The following WDFY4 variants were observed in gnomAD, a reference collection of about 807,000 sequenced individuals.
WDFY4 encodes the protein WDFY family member 4, also known as WD repeat- and FYVE domain-containing protein 4.
A neutral mutation model predicts 351.9 loss-of-function variants in WDFY4; 169 were observed. That is an observed-to-expected ratio of 0.48 (90% CI 0.42 to 0.55). The LOEUF (loss-of-function observed/expected upper bound fraction) is 0.55, where lower values mean the gene tolerates loss of function less well. WDFY4 is among the 20% of genes least tolerant of loss of function. The pLI, the probability that WDFY4 is intolerant of heterozygous loss-of-function variation, is 0.00. For missense variants in WDFY4, 3,803 were observed against 3,935.6 expected, an observed-to-expected ratio of 0.97 and a Z score of 0.90; for synonymous variants, 1,622 against 1,574.6, an observed-to-expected ratio of 1.03 and a Z score of -0.71.
chr10:48,889,961 A>G (rs2070624959), intron 43 of WDFY4, among the ~76,000 whole-genome samples: 1 of 152,240 alleles, frequency 6.6e-6, no homozygotes, highest in African/African-American at 2.4e-5. Context: ...ACCTTGGACC[A>G]GGGGCTGTAT....
chr10:48,863,193 T>A (rs2069405945), intron 39 of WDFY4, among the ~76,000 whole-genome samples: 1 of 152,252 alleles, frequency 6.6e-6, no homozygotes. Context: ...ACACAATTTT[T>A]ATCTTGGGTG....
chr10:48,735,476 A>G (rs1430279881), intron 10 of WDFY4, among the ~76,000 whole-genome samples: 1 of 152,100 alleles, frequency 6.6e-6, no homozygotes, highest in Non-Finnish European at 1.5e-5. Flanking sequence ...TAAAGCTTTT[A>G]TTACTTAGGT....
At chr10:48,872,682 G>C (rs1231220921) in intron 40 of WDFY4, among the ~76,000 whole-genome samples, 1 of 152,204 alleles carries the variant, frequency 6.6e-6, no homozygotes, top group African/African-American at 2.4e-5. Flanking sequence ...GGTGATGCAT[G>C]TAACTTTAAT....
At chr10:48,898,859 C>T (rs559826438) in intron 45 of WDFY4, among the ~76,000 whole-genome samples, 11 of 152,180 alleles carry the variant, frequency 7.2e-5, no homozygotes, top group Non-Finnish European at 1.3e-4. Context: ...CTGGGCCAAT[C>T]TCCACCTCAG....
chr10:48,795,491 G>GTATATA lies in WDFY4; in HGVS notation c.4258-780_4258-775dup, dbSNP rs60705301. On this transcript the variant is annotated intron_variant, in intron 23 of 61. Coordinates refer to ENST00000325239, the MANE Select transcript of WDFY4 (RefSeq NM_001394531.1). ...TGGGATTTCATATATGTGTGTGTCT[G>GTATATA]TATATATATATATATATATATATAT... 4.7e-3 allele frequency among the ~76,000 whole-genome samples: 476 copies of GTATATA among 101,132 alleles called. 6 individuals carry two copies. The highest frequency in any genetic ancestry group is 6.2e-3 in the African/African-American group (136 of 21,996). The allele number at this position is 101,132 out of a possible 152,430, so 66.3% of individuals were successfully genotyped here. A position where few individuals can be genotyped will look rare whatever the true frequency, so the allele number is the denominator to read the frequency against.
At chr10:48,858,424 G>T (rs1484534823) in intron 39 of WDFY4, among the ~76,000 whole-genome samples, 1 of 152,048 alleles carries the variant, frequency 6.6e-6, no homozygotes, top group Admixed American at 6.5e-5. Flanking sequence ...CATTTTTTGG[G>T]CAATGGACAT....
chr10:48,909,236 A>G (rs1052583878), intron 47 of WDFY4, among the ~76,000 whole-genome samples: 3 of 152,196 alleles, frequency 2.0e-5, no homozygotes, highest in Non-Finnish European at 4.4e-5. Context: ...TACATTTATT[A>G]CAATTATCAA....
chr10:48,842,559 G>A (rs1446582940), intron 39 of WDFY4, among the ~76,000 whole-genome samples: 1 of 152,218 alleles, frequency 6.6e-6, no homozygotes, highest in Non-Finnish European at 1.5e-5. Flanking sequence ...CAATGGCTGG[G>A]CTAGCAGAGA....
chr10:48,710,877 G>T (rs1024109442), intron 2 of WDFY4, among the ~76,000 whole-genome samples: 2 of 152,198 alleles, frequency 1.3e-5, no homozygotes, highest in African/African-American at 4.8e-5. Flanking sequence ...TTGTTATCTG[G>T]GAGCAATACT....
intron 39 of WDFY4, among the ~76,000 whole-genome samples, chr10:48,860,160 G>C (rs945740731): frequency 6.6e-6 from 1 of 152,004 alleles, no homozygotes; most frequent in Non-Finnish European, 1.5e-5. Flanking sequence ...TCATTTTTCT[G>C]CTTTTCTGTT....
At chr10:48,928,101 T>G (rs1839727707) in intron 47 of WDFY4, among the ~76,000 whole-genome samples, 1 of 152,174 alleles carries the variant, frequency 6.6e-6, no homozygotes, top group Non-Finnish European at 1.5e-5. Flanking sequence ...TGTTATTTTG[T>G]CTTCTCCTCA....
chr10:48,828,970 T>C, intron 37 of WDFY4, 74 bp downstream of exon 37: 1 of 736,396 alleles, frequency 1.4e-6, no homozygotes, highest in South Asian at 1.9e-5. Flanking sequence ...TAGTGGTACC[T>C]GCTAGGGTTG....
intron 13 of WDFY4, among the ~76,000 whole-genome samples, chr10:48,769,355 T>C (rs574288415): frequency 6.6e-6 from 1 of 152,310 alleles, no homozygotes; most frequent in African/African-American, 2.4e-5. Flanking sequence ...TAATTCTAAG[T>C]AGGCAGTGGT....
chr10:48,815,530 C>T (rs2067590170), intron 31 of WDFY4, among the ~76,000 whole-genome samples: 1 of 152,032 alleles, frequency 6.6e-6, no homozygotes, highest in African/African-American at 2.4e-5. Context: ...GTGATTTCAG[C>T]TCACTCTAGC....
chr10:48,950,715 T>C (rs553166554), intron 51 of WDFY4, among the ~76,000 whole-genome samples: 29 of 152,316 alleles, frequency 1.9e-4, no homozygotes, highest in South Asian at 2.1e-4. Context: ...ACATGTGCCA[T>C]TTTCAAGGCC....
At chr10:48,864,318 C>A (rs367920733) in intron 39 of WDFY4, among the ~76,000 whole-genome samples, 1 of 152,126 alleles carries the variant, frequency 6.6e-6, no homozygotes, top group African/African-American at 2.4e-5. Context: ...AGTTTTCCAT[C>A]GCCATTTGTT....
chr10:48,720,620 A>T (rs1013386649), intron 3 of WDFY4, among the ~76,000 whole-genome samples: 1 of 152,036 alleles, frequency 6.6e-6, no homozygotes, highest in African/African-American at 2.4e-5. Context: ...AGATATACAC[A>T]TAGGCACACA....
chr10:48,823,916 A>G lies in WDFY4; in HGVS notation c.5982+1379A>G, dbSNP rs942409116. 3 of 985,582 alleles carry G rather than the reference A, an allele frequency of 3.0e-6. No homozygotes were observed. The African/African-American group carries it at 5.2e-5, about 17-fold the overall frequency. 61.1% of individuals were successfully genotyped at this position (985,582 alleles called of 1,614,324 possible). ...ATGAATCCCAAACCCCAACAGGTTT[A>G]AACAGACCTTCACTTCATGAGTAGA... On this transcript the variant is annotated intron_variant, in intron 35 of 61. Coordinates refer to ENST00000325239, the MANE Select transcript of WDFY4 (RefSeq NM_001394531.1).
chr10:48,795,683 G>A (rs1308804875), intron 23 of WDFY4, among the ~76,000 whole-genome samples: 1 of 151,908 alleles, frequency 6.6e-6, no homozygotes, highest in Non-Finnish European at 1.5e-5. Context: ...AGCCATGGAT[G>A]GAAGGAGCTG....
Sources: gnomAD v4.1 joint callset for allele counts (sites outside exome capture counted in the v4.1 genomes callset) on GRCh38, gnomAD v4.1.1 for gene constraint, MANE v1.5 for transcripts, NCBI Gene and HGNC (gene_info 2026-07-23, HGNC 2026-07-21) for gene names.